Variants in EIF2AK2 observed in about 807,000 individuals in gnomAD.
The protein encoded by EIF2AK2 is interferon-induced, double-stranded RNA-activated protein kinase.
A neutral mutation model predicts 70.5 loss-of-function variants in EIF2AK2; 40 were observed. That is an observed-to-expected ratio of 0.57 (90% CI 0.44 to 0.74). The LOEUF is 0.74. Among genes scored for constraint, EIF2AK2 ranks in the 30% least tolerant of loss-of-function variants. EIF2AK2 has a pLI of 0.00. For missense variants in EIF2AK2, 555 were observed against 644.3 expected, an observed-to-expected ratio of 0.86 and a Z score of 1.50; for synonymous variants, 198 against 220.9, an observed-to-expected ratio of 0.90 and a Z score of 0.92.
At chr2:37,115,891 G>GTGTTT (rs924252834) in intron 13 of EIF2AK2, among the ~76,000 whole-genome samples, 15 of 151,482 alleles carry the variant, frequency 9.9e-5, no homozygotes, top group Admixed American at 2.0e-4. Context: ...TTTAAGGGAG[G>GTGTTT]TGTTTTGTTT....
chr2:37,152,007 A>G (rs574722982), intron 1 of EIF2AK2, among the ~76,000 whole-genome samples: 1 of 152,356 alleles, frequency 6.6e-6, no homozygotes, highest in Admixed American at 6.5e-5. Context: ...CGGAGCTTGC[A>G]GTGAGCTGAG....
chr2:37,139,710 G>A lies in EIF2AK2; in HGVS notation c.437C>T (p.Thr146Ile). 6.2e-7 allele frequency: 1 copy of A among 1,613,614 alleles called. No homozygotes were observed. Among genetic ancestry groups the A allele is most frequent in the Non-Finnish European group, 8.5e-7 (1 of 1,179,742 alleles). ...TTTTGCTTCCTGTTTAGTAGAACCTGTACCAATACTATATTCTTTCTGTCC... is the reference window on the plus strand; with the variant it reads ...TTTTGCTTCCTGTTTAGTAGAACCTATACCAATACTATATTCTTTCTGTCC... ...KMGQKEYSIG[T>I]GSTKQEAKQL... Residue 146 changes from threonine (T) to isoleucine (I), a missense_variant, in exon 6 of 17, where the codon ACA becomes ATA. This residue lies in a region of EIF2AK2 where 208 missense variants were observed against 191.8 expected (regional missense o/e 1.08). Transcript: ENST00000233057.
intron 14 of EIF2AK2, among the ~76,000 whole-genome samples, chr2:37,113,064 A>T (rs1184479157): frequency 6.6e-6 from 1 of 152,266 alleles, no homozygotes; most frequent in Non-Finnish European, 1.5e-5. Context: ...TTCCTTTCTC[A>T]TACATAAACA....
chr2:37,116,110 A>G (rs1197457521), intron 13 of EIF2AK2, among the ~76,000 whole-genome samples: 4 of 151,976 alleles, frequency 2.6e-5, no homozygotes, highest in Non-Finnish European at 5.9e-5. Context: ...TGTTGGCCAG[A>G]TTGGTCTCAA....
At chr2:37,154,356 CA>C (rs1203581701) in intron 1 of EIF2AK2, among the ~76,000 whole-genome samples, 1 of 151,294 alleles carries the variant, frequency 6.6e-6, no homozygotes, top group Non-Finnish European at 1.5e-5. Context: ...AACAAACAAA[CA>C]AAAAAACATC....
intron 6 of EIF2AK2, among the ~76,000 whole-genome samples, 160 bp from the exon 7 acceptor site, chr2:37,138,745 GATTTT>G (rs911013767): frequency 9.9e-5 from 15 of 152,110 alleles, no homozygotes; most frequent in East Asian, 3.9e-4. Flanking sequence ...GTTTGGTCTG[GATTTT>G]ATTTTATTTT....
At chr2:37,139,964 G>C (rs4648186) in intron 5 of EIF2AK2, among the ~76,000 whole-genome samples, 1 of 152,028 alleles carries the variant, frequency 6.6e-6, no homozygotes, top group African/African-American at 2.4e-5. Context: ...TGACATCTGA[G>C]CTTGCATTTT....
intron 14 of EIF2AK2, among the ~76,000 whole-genome samples, chr2:37,114,223 C>A (rs901481136): frequency 5.9e-5 from 9 of 151,948 alleles, no homozygotes; most frequent in Admixed American, 6.6e-5. Flanking sequence ...TTGCTTGAGC[C>A]CAAGATTTTG....
chr2:37,144,257 C>T (rs76184739), intron 4 of EIF2AK2, among the ~76,000 whole-genome samples: 3,454 of 151,782 alleles, frequency 0.023, 67 homozygotes, highest in Non-Finnish European at 0.033. Flanking sequence ...AAGTCTAGCA[C>T]ACACAATTAT....
At chr2:37,128,943 C>T (rs1246364857) in intron 10 of EIF2AK2, among the ~76,000 whole-genome samples, 1 of 152,208 alleles carries the variant, frequency 6.6e-6, no homozygotes, top group Admixed American at 6.5e-5. Context: ...CAGTAAAACC[C>T]TGCCCTTTTC....
At chr2:37,153,091 C>A (rs980860231) in intron 1 of EIF2AK2, among the ~76,000 whole-genome samples, 2 of 151,782 alleles carry the variant, frequency 1.3e-5, no homozygotes, top group African/African-American at 2.4e-5. Flanking sequence ...CCGACAGCTA[C>A]TTCAATTCCT....
rs528253881 is a variant in EIF2AK2 at position 37,120,986 on chromosome 2, G to A, written c.1068-847C>T. On this transcript the variant is annotated intron_variant, in intron 12 of 16. Transcript: ENST00000233057. The stretch of plus-strand genomic sequence containing the variant: ...CTCAAAAAAAAAAAAAGAAGAGGCC[G>A]GGCGCGGTGGCTCACGCATGTAATC... 7.4e-5 allele frequency among the ~76,000 whole-genome samples: 11 copies of A among 148,326 alleles called. 2 individuals are homozygous for A. The highest frequency in any genetic ancestry group is 1.3e-4 in the Non-Finnish European group (9 of 66,678).
intron 9 of EIF2AK2, among the ~76,000 whole-genome samples, chr2:37,136,143 C>T (rs1675119625): frequency 6.6e-6 from 1 of 152,186 alleles, no homozygotes; most frequent in African/African-American, 2.4e-5. Context: ...GATAAGCCAC[C>T]TGCAAATGGA....
intron 10 of EIF2AK2, among the ~76,000 whole-genome samples, chr2:37,135,160 T>C (rs1293885565): frequency 1.3e-5 from 2 of 152,190 alleles, no homozygotes; most frequent in Non-Finnish European, 2.9e-5. Flanking sequence ...CTGCCTCTCA[T>C]TGGGTGAGGA....
In EIF2AK2 at chr2:37,104,278, C is replaced by T. The variant is rs1317066533; in HGVS notation, c.*2995G>A. On this transcript the variant is annotated 3_prime_UTR_variant, in exon 17 of 17. Coordinates refer to ENST00000233057, the MANE Select transcript of EIF2AK2 (RefSeq NM_001135651.3). ...CTATATTCAAATGTTCTCAATTGTC[C>T]CGAAGATATCTTTATAGCTGTTTGC... is the stretch of plus-strand genomic sequence containing the variant. The T allele has an allele frequency of 6.6e-6, 1 of 151,714 alleles. No homozygotes were observed. The highest frequency in any genetic ancestry group is 2.4e-5 in the African/African-American group (1 of 41,264). 9.4% of individuals were successfully genotyped at this position (151,714 alleles called of 1,614,324 possible).
chr2:37,137,239 T>A (rs1235746040), intron 8 of EIF2AK2, among the ~76,000 whole-genome samples: 1 of 152,232 alleles, frequency 6.6e-6, no homozygotes, highest in East Asian at 1.9e-4. Flanking sequence ...TTGATTTAAA[T>A]TTTCCTGATT....
In EIF2AK2 at chr2:37,126,330, G is replaced by A. The variant is rs2302799; in HGVS notation, c.867C>T (p.Asp289=). ...GQVFKAKHRI[D]GKTYVIKRVK... is the part of the protein sequence containing the mutation. ...CACGTTTAATAACGTAAGTCTTTCC[G>A]TCAATTCTGTGTTTTGCTTTGAAAA... The change falls in exon 11 of 17, where the codon GAC becomes GAT. Residue 289 remains aspartate, a synonymous_variant. Coordinates refer to ENST00000233057, the MANE Select transcript of EIF2AK2 (RefSeq NM_001135651.3). 25 of 1,610,260 alleles carry A rather than the reference G, an allele frequency of 1.6e-5. No individual in the cohort carries two copies. The East Asian group carries it at 2.2e-4, about 14-fold the overall frequency.
rs1029255430 is a variant in EIF2AK2 at position 37,116,425 on chromosome 2, T to C, written c.1249-1566A>G. Among the ~76,000 whole-genome samples, 5 of 152,312 alleles carry C rather than the reference T, an allele frequency of 3.3e-5. No homozygotes were observed. In the South Asian group the frequency reaches 8.3e-4, roughly 25 times the overall value. On this transcript the variant is annotated intron_variant, in intron 13 of 16. Transcript: ENST00000233057. ...ACCACAAAAACAGGAAGGTAGTTGA[T>C]GAGAAAATTAATATTTTGCTATTTT...
Position 37,127,897 on chromosome 2 carries a change from G to A in EIF2AK2, c.786-1486C>T, listed in dbSNP as rs116746695. Among the ~76,000 whole-genome samples the A allele has an allele frequency of 9.6e-3, 1,465 of 151,968 alleles. 24 individuals carry two copies. The highest frequency in any genetic ancestry group is 0.033 in the African/African-American group (1,381 of 41,468). The stretch of plus-strand genomic sequence containing the variant: ...AGCTGAGACTACAGGTGCATGCCAC[G>A]ACACCTGCTAATTTTTGTATTTTTA... On this transcript the variant is annotated intron_variant, in intron 10 of 16. Coordinates refer to ENST00000233057, the MANE Select transcript of EIF2AK2 (RefSeq NM_001135651.3).
Sources: allele counts gnomAD v4.1 joint callset (sites outside exome capture counted in the v4.1 genomes callset), GRCh38; gene constraint gnomAD v4.1.1; regional missense constraint gnomAD v4.1.1; transcripts MANE v1.5; gene names NCBI Gene and HGNC (gene_info 2026-07-23, HGNC 2026-07-21).